The following ABCA13 variants were observed in gnomAD, a reference collection of about 807,000 sequenced individuals.
The protein encoded by ABCA13 is ATP-binding cassette sub-family A member 13.
A neutral mutation model predicts 478.7 loss-of-function variants in ABCA13; 476 were observed. That is an observed-to-expected ratio of 0.99 (90% CI 0.92 to 1.07). The LOEUF is 1.07. Among genes scored for constraint, ABCA13 ranks in the 50% least tolerant of loss-of-function variants. The pLI is 0.00. For missense variants in ABCA13, 6,060 were observed against 5,910.6 expected, an observed-to-expected ratio of 1.03 and a Z score of -0.83; for synonymous variants, 2,252 against 2,158.9, an observed-to-expected ratio of 1.04 and a Z score of -1.20.
intron 27 of ABCA13, among the ~76,000 whole-genome samples, chr7:48,318,517 T>C (rs1388833554): frequency 2.6e-5 from 4 of 151,012 alleles, no homozygotes; most frequent in African/African-American, 9.7e-5. Context: ...TTAGTTTTTT[T>C]TTTTTTTTGT....
Position 48,272,367 on chromosome 7 carries a change from A to C in ABCA13, c.2701A>C (p.Ser901Arg). ...ACGTTTAAGTGAGGCTATAATAACT[A>C]GTCTCCATGAATTTGGATTTTTGGA... The part of the protein sequence containing the change: ...FVRLSEAIIT[S>R]LHEFGFLEQE... The change falls in exon 17 of 62, where the codon AGT becomes CGT. Residue 901 changes from serine (S) to arginine (R), a missense_variant. By Grantham distance (110) the Ser-to-Arg change is moderately radical (BLOSUM62 -1). Transcript: ENST00000435803. The C allele has an allele frequency of 6.2e-7, 1 of 1,613,788 alleles. No homozygotes were observed. Among genetic ancestry groups the C allele is most frequent in the Non-Finnish European group, 8.5e-7 (1 of 1,179,758 alleles).
At chr7:48,448,647 G>A (rs1006817051) in intron 42 of ABCA13, among the ~76,000 whole-genome samples, 1 of 151,890 alleles carries the variant, frequency 6.6e-6, no homozygotes. Context: ...CCTATATTGT[G>A]TTTTTTTAAG....
chr7:48,248,758 T>C (rs1792082740), intron 14 of ABCA13, among the ~76,000 whole-genome samples: 2 of 152,164 alleles, frequency 1.3e-5, no homozygotes, highest in African/African-American at 4.8e-5. Context: ...TAAGTACAAA[T>C]GGGAAGCTTC....
In ABCA13 at chr7:48,420,196, C is replaced by T. The variant is rs971136830; in HGVS notation, c.12460-7570C>T. ...CCAGTTGAGCTCTTCAGCTAAAAAG[C>T]ATATTTTATTTCTAAACTGGAATAC... On this transcript the variant is annotated intron_variant, in intron 41 of 61. Coordinates refer to ENST00000435803, the MANE Select transcript of ABCA13 (RefSeq NM_152701.5). Among the ~76,000 whole-genome samples, 3 of 152,282 alleles carry T rather than the reference C, an allele frequency of 2.0e-5. No homozygotes were observed. In the South Asian group the frequency reaches 6.2e-4, roughly 32 times the overall value.
chr7:48,250,323 C>T (rs56128450), intron 15 of ABCA13, among the ~76,000 whole-genome samples: 25,734 of 152,038 alleles, frequency 0.17, 2,560 homozygotes, highest in African/African-American at 0.28. Flanking sequence ...TATTAAATCA[C>T]TGGACATTAG....
At chr7:48,352,141 A>G (rs1809111771) in intron 30 of ABCA13, 40 bp from the exon 31 acceptor site, 1 of 1,565,874 alleles carries the variant, frequency 6.4e-7, no homozygotes, top group African/African-American at 1.4e-5. Flanking sequence ...GCCACTCCCT[A>G]CAGTGTGGTA....
At chr7:48,263,238 CTGT>C (rs1336574221) in intron 15 of ABCA13, among the ~76,000 whole-genome samples, 5 of 151,916 alleles carry the variant, frequency 3.3e-5, no homozygotes, top group African/African-American at 1.2e-4. Flanking sequence ...GAAGCACTGG[CTGT>C]TGTTATGCAT....
intron 27 of ABCA13, among the ~76,000 whole-genome samples, chr7:48,326,870 C>T (rs2128922323): frequency 6.6e-6 from 1 of 152,200 alleles, no homozygotes; most frequent in Middle Eastern, 3.4e-3. Flanking sequence ...CTTAAGCTGC[C>T]AAATTGGAAT....
intron 55 of ABCA13, among the ~76,000 whole-genome samples, chr7:48,575,434 A>G (rs1788072288): frequency 6.6e-6 from 1 of 152,212 alleles, no homozygotes; most frequent in Non-Finnish European, 1.5e-5. Context: ...ATGTAATAGA[A>G]ACTAATGTAA....
chr7:48,402,227 A>G (rs1399197496), intron 38 of ABCA13, among the ~76,000 whole-genome samples: 3 of 152,230 alleles, frequency 2.0e-5, no homozygotes, highest in Non-Finnish European at 4.4e-5. Flanking sequence ...TTGGGGTTGA[A>G]CACAGAAAGG....
chr7:48,435,334 AAT>A (rs775508601), intron 42 of ABCA13, among the ~76,000 whole-genome samples: 1 of 151,818 alleles, frequency 6.6e-6, no homozygotes, highest in Non-Finnish European at 1.5e-5. Context: ...AAGTGCAACT[AAT>A]ATTTGTGTAT....
intron 3 of ABCA13, among the ~76,000 whole-genome samples, chr7:48,199,722 T>C (rs1008048828): frequency 6.6e-6 from 1 of 152,184 alleles, no homozygotes. Context: ...AGAAGGGAAA[T>C]ATACAAAACT....
chr7:48,287,674 G>A (rs1227688685), intron 19 of ABCA13, among the ~76,000 whole-genome samples: 1 of 152,126 alleles, frequency 6.6e-6, no homozygotes, highest in Non-Finnish European at 1.5e-5. Flanking sequence ...GGGGTGAATG[G>A]GTACCCCACT....
intron 5 of ABCA13, among the ~76,000 whole-genome samples, chr7:48,225,642 C>T (rs1017109366): frequency 6.6e-6 from 1 of 152,110 alleles, no homozygotes; most frequent in East Asian, 1.9e-4. Flanking sequence ...GAATAGATCA[C>T]TTATTTTGTA....
intron 48 of ABCA13, among the ~76,000 whole-genome samples, chr7:48,494,590 C>T (rs1389450093): frequency 6.6e-6 from 1 of 151,904 alleles, no homozygotes; most frequent in African/African-American, 2.4e-5. Context: ...GTTATCAAAC[C>T]CAGTATGGAA....
intron 58 of ABCA13, among the ~76,000 whole-genome samples, chr7:48,606,670 C>G (rs969256368): frequency 6.6e-6 from 1 of 152,172 alleles, no homozygotes; most frequent in Admixed American, 6.5e-5. Flanking sequence ...GGAGCTATCT[C>G]CCAGTCAGGA....
At chr7:48,175,134 G>A (rs902929636) in intron 1 of ABCA13, among the ~76,000 whole-genome samples, 1 of 152,150 alleles carries the variant, frequency 6.6e-6, no homozygotes, top group African/African-American at 2.4e-5. Context: ...CAGTGGCTTT[G>A]AGCCATGCTT....
chr7:48,450,280 C>G (rs1163059512), intron 42 of ABCA13, among the ~76,000 whole-genome samples: 6 of 152,152 alleles, frequency 3.9e-5, no homozygotes, highest in African/African-American at 1.4e-4. Flanking sequence ...GTTTCTATCT[C>G]ATAAAATCAT....
At chr7:48,496,999 G>A (rs1282901894) in intron 48 of ABCA13, among the ~76,000 whole-genome samples, 1 of 151,626 alleles carries the variant, frequency 6.6e-6, no homozygotes, top group Admixed American at 6.6e-5. Flanking sequence ...GAAGTTTTCA[G>A]CTGTTATGTC....
Sources: gnomAD v4.1 joint callset for allele counts (sites outside exome capture counted in the v4.1 genomes callset) on GRCh38, gnomAD v4.1.1 for gene constraint, MANE v1.5 for transcripts, NCBI Gene and HGNC (gene_info 2026-07-23, HGNC 2026-07-21) for gene names.